Variants in LMO3 observed in about 807,000 individuals in gnomAD.
LMO3 encodes the protein LIM domain only protein 3.
In LMO3, 2 loss-of-function variants were observed where a neutral mutation model predicts 15.8. The observed-to-expected ratio is 0.13, with a 90% CI of 0.05 to 0.40. The LOEUF is 0.40. LMO3 is among the 10% of genes least tolerant of loss of function. The pLI, the probability that LMO3 is intolerant of heterozygous loss-of-function variation, is 0.99. For missense variants in LMO3, 86 were observed against 182.2 expected (o/e 0.47, Z 3.04); for synonymous variants, 62 against 63.8 (o/e 0.97, Z 0.13).
rs973618169 is a variant in LMO3 at position 16,560,296 on chromosome 12, C to G, written c.332+117G>C. The G allele has an allele frequency of 2.1e-5, 25 of 1,179,684 alleles. No homozygotes were observed. Among genetic ancestry groups the G allele is most frequent in the African/African-American group, 3.1e-5 (2 of 64,908 alleles). The allele number at this position is 1,179,684 out of a possible 1,614,324, so 73.1% of individuals were successfully genotyped here. On this transcript the variant is annotated intron_variant, in intron 3 of 3. Coordinates refer to ENST00000537304, the MANE Select transcript of LMO3 (RefSeq NM_018640.5). The surrounding 1 kb of genome is among the most constrained non-coding windows in gnomAD (Gnocchi z 5.0). Reference sequence around the variant, plus strand: ...TGGCATGGGATTAAAGTTTACAGAACAGAAAAACGCTGAGATTGATTGCTT... The same window carrying G: ...TGGCATGGGATTAAAGTTTACAGAAGAGAAAAACGCTGAGATTGATTGCTT...
chr12:16,604,998 C>A lies in LMO3; in HGVS notation c.-9+1068G>T. 3 of 1,593,114 alleles carry A rather than the reference C, an allele frequency of 1.9e-6. No individual in the cohort carries two copies. Among genetic ancestry groups the A allele is most frequent in the Non-Finnish European group, 8.5e-7 (1 of 1,177,050 alleles). The stretch of plus-strand genomic sequence containing the variant: ...ATTTCGCTTAAGTGTGGACCTGGTG[C>A]GCAGCCTACACCGCCGAGGACCGAC... On this transcript the variant is annotated intron_variant, in intron 1 of 3. Transcript: ENST00000537304. This position sits in a 1 kb window ranked among gnomAD's most constrained non-coding sequence, Gnocchi z 5.3.
intron 2 of LMO3, chr12:16,573,698 C>CAAGT (rs1942900452): frequency 6.6e-6 from 1 of 152,170 alleles, no homozygotes; most frequent in Non-Finnish European, 1.5e-5. Flanking sequence ...AGCGAGTGCT[C>CAAGT]AAGTTTTCTC....
chr12:16,602,331 A>C (rs767631805), intron 1 of LMO3: 1 of 25,684 alleles, frequency 3.9e-5, no homozygotes, highest in Non-Finnish European at 8.5e-4. Context: ...ACAACCTTTT[A>C]AAAAAAAAAT....
At chr12:16,592,572 C>T (rs1196092229) in intron 2 of LMO3, among the ~76,000 whole-genome samples, 1 of 151,910 alleles carries the variant, frequency 6.6e-6, no homozygotes, top group Non-Finnish European at 1.5e-5. Context: ...CATCCACTTC[C>T]CTTACTCCTA....
chr12:16,555,209 G>A lies in LMO3; in HGVS notation c.333-3882C>T, dbSNP rs769149187. 6.6e-6 allele frequency among the ~76,000 whole-genome samples: 1 copy of A among 152,080 alleles called. No homozygotes were observed. The highest frequency in any genetic ancestry group is 6.5e-5 in the Admixed American group (1 of 15,268). On this transcript the variant is annotated intron_variant, in intron 3 of 3. Transcript: ENST00000537304. This position sits in a 1 kb window ranked among gnomAD's most constrained non-coding sequence, Gnocchi z 5.5. ...TGATAATCTTTTCACCTTTACTTAA[G>A]TTGTTCCCTAGCAAGAAATATTTCT...
At chr12:16,607,089 C>G (rs1338564456), upstream of LMO3, 2 of 152,382 alleles carry the variant, frequency 1.3e-5, no homozygotes, top group Non-Finnish European at 2.9e-5. Flanking sequence ...GACTTCCATT[C>G]ATGAACTCTC....
rs1943309858 is a variant in LMO3, at chr12:16,586,067, G to C, written c.206+14588C>G. 6.6e-6 allele frequency among the ~76,000 whole-genome samples: 1 copy of C among 152,086 alleles called. No individual in the cohort carries two copies. The highest frequency in any genetic ancestry group is 1.5e-5 in the Non-Finnish European group (1 of 68,008). On this transcript the variant is annotated intron_variant, in intron 2 of 3. Coordinates refer to ENST00000537304, the MANE Select transcript of LMO3 (RefSeq NM_018640.5). The surrounding 1 kb of genome is among the most constrained non-coding windows in gnomAD (Gnocchi z 4.3). ...CAACACAGGAAAACAGCAAAACCTTGATGTACAATTCCATAAAAATTTTTG... is the reference window on the plus strand; with the variant it reads ...CAACACAGGAAAACAGCAAAACCTTCATGTACAATTCCATAAAAATTTTTG...
At chr12:16,594,413 C>A (rs1943585021) in intron 2 of LMO3, 2 of 573,448 alleles carry the variant, frequency 3.5e-6, no homozygotes, top group Admixed American at 6.6e-5. Context: ...AAATACCTAG[C>A]AAATTGAACA....
intron 2 of LMO3, among the ~76,000 whole-genome samples, chr12:16,580,335 G>A (rs1349190559): frequency 6.6e-6 from 1 of 152,158 alleles, no homozygotes; most frequent in African/African-American, 2.4e-5. Context: ...GAAGGATCAA[G>A]AGCAAAGACA....
intron 2 of LMO3, among the ~76,000 whole-genome samples, chr12:16,575,939 G>A (rs752951987): frequency 6.6e-6 from 1 of 152,146 alleles, no homozygotes; most frequent in East Asian, 1.9e-4. Context: ...ATGAATGTCG[G>A]AACATTTGCA....
intron 2 of LMO3, among the ~76,000 whole-genome samples, chr12:16,574,298 C>G (rs1942924322): frequency 6.6e-6 from 1 of 152,110 alleles, no homozygotes; most frequent in South Asian, 2.1e-4. Flanking sequence ...GTTGCAGATG[C>G]AGGATGTCTG....
At position 16,604,792 on chromosome 12, in the gene LMO3, A is replaced by T; in HGVS notation, c.-9+1274T>A. Reference sequence around the variant, plus strand: ...CAGAAAGACACAAAAGCAGCGGAAAAGCAGAAAGGCTTTTGAGCGGCCAGG... The same window carrying T: ...CAGAAAGACACAAAAGCAGCGGAAATGCAGAAAGGCTTTTGAGCGGCCAGG... On this transcript the variant is annotated intron_variant, in intron 1 of 3. Transcript: ENST00000537304. The surrounding 1 kb of genome is among the most constrained non-coding windows in gnomAD (Gnocchi z 5.3). 6.6e-7 allele frequency: 1 copy of T among 1,506,808 alleles called. No individual in the cohort carries two copies. The highest frequency in any genetic ancestry group is 9.1e-7 in the Non-Finnish European group (1 of 1,099,868). The allele number at this position is 1,506,808 out of a possible 1,614,324, so 93.3% of individuals were successfully genotyped here.
intron 2 of LMO3, among the ~76,000 whole-genome samples, chr12:16,575,562 T>C (rs1942967387): frequency 6.6e-6 from 1 of 152,198 alleles, no homozygotes; most frequent in South Asian, 2.1e-4. Flanking sequence ...TCATTAATCC[T>C]CAGGACAACT....
rs559492527 is a variant in LMO3, at chr12:16,553,816, C to T, written c.333-2489G>A. Among the ~76,000 whole-genome samples, 3 of 150,564 alleles carry T rather than the reference C, an allele frequency of 2.0e-5. No individual in the cohort carries two copies. In the South Asian group the frequency reaches 6.3e-4, roughly 31 times the overall value. On this transcript the variant is annotated intron_variant, in intron 3 of 3. Transcript: ENST00000537304. Reference sequence around the variant, plus strand: ...TGTAACTGTGATTTTGTAAGAAATGCTAATTTCCAGTGTGATTTAACCAAC... The same window carrying T: ...TGTAACTGTGATTTTGTAAGAAATGTTAATTTCCAGTGTGATTTAACCAAC...
intron 1 of LMO3, 66 bp from the exon 2 acceptor site, chr12:16,600,934 A>T: frequency 8.8e-7 from 1 of 1,142,412 alleles, no homozygotes; most frequent in South Asian, 1.4e-5. Context: ...ACCTCAAACA[A>T]GTTAAATATT....
chr12:16,565,214 A>C (rs1031950793), intron 2 of LMO3, among the ~76,000 whole-genome samples: 5 of 152,222 alleles, frequency 3.3e-5, no homozygotes, highest in African/African-American at 1.2e-4. Context: ...ATGAAATTGC[A>C]ATCAATTGAA....
At chr12:16,605,066 G>A (rs1290255670) in intron 1 of LMO3, 14 of 1,483,126 alleles carry the variant, frequency 9.4e-6, no homozygotes, top group Non-Finnish European at 1.1e-5. Flanking sequence ...TGGCGGCAGG[G>A]GGTGGGGGAA....
In LMO3 at chr12:16,576,301, T is replaced by A. The variant is rs1258958545; in HGVS notation, c.207-15763A>T. Among the ~76,000 whole-genome samples the A allele has an allele frequency of 1.3e-5, 2 of 152,284 alleles. No individual in the cohort carries two copies. The highest frequency in any genetic ancestry group is 2.9e-5 in the Non-Finnish European group (2 of 68,034). ...TCCATCCTGTCTGTCTTCTTTTCTG[T>A]CTTCTATCCCATCACTGAGCCTCAG... On this transcript the variant is annotated intron_variant, in intron 2 of 3. Coordinates refer to ENST00000537304, the MANE Select transcript of LMO3 (RefSeq NM_018640.5). The surrounding 1 kb of genome is among the most constrained non-coding windows in gnomAD (Gnocchi z 4.1).
At chr12:16,553,656 G>A (rs763615289) in intron 3 of LMO3, among the ~76,000 whole-genome samples, 11 of 152,092 alleles carry the variant, frequency 7.2e-5, no homozygotes, top group Non-Finnish European at 1.5e-4. Context: ...AAACAGCCTT[G>A]AAAGCTGTGG....
Sources: gnomAD v4.1 joint callset for allele counts (sites outside exome capture counted in the v4.1 genomes callset) on GRCh38, gnomAD v4.1.1 for gene constraint, Gnocchi (gnomAD v3.1) non-coding constraint, MANE v1.5 for transcripts, NCBI Gene and HGNC (gene_info 2026-07-23, HGNC 2026-07-21) for gene names.